The following SIRT5 variants were observed in gnomAD, a reference collection of about 807,000 sequenced individuals.
The protein encoded by SIRT5 is sirtuin 5, also known as NAD-dependent protein deacylase sirtuin-5, mitochondrial.
SIRT5 carries 26 observed loss-of-function variants against 40.0 expected under a neutral mutation model. That is an observed-to-expected ratio of 0.65 (90% CI 0.48 to 0.90). The LOEUF is 0.90. Ranked by LOEUF, SIRT5 falls within the 40% of genes least tolerant of loss-of-function variation. The pLI, the probability that SIRT5 is intolerant of heterozygous loss-of-function variation, is 0.00. For synonymous variants in SIRT5, 146 were observed against 149.1 expected (o/e 0.98, Z 0.15); for missense variants, 401 against 402.4 (o/e 1.00, Z 0.03).
At chr6:13,575,964 T>C (rs936367439) in intron 1 of SIRT5, among the ~76,000 whole-genome samples, 1 of 152,248 alleles carries the variant, frequency 6.6e-6, no homozygotes, top group Admixed American at 6.5e-5. Flanking sequence ...GGTTCATCCA[T>C]GTTGTTGCAA....
intron 1 of SIRT5, among the ~76,000 whole-genome samples, chr6:13,577,574 A>G (rs1758787317): frequency 6.6e-6 from 1 of 150,960 alleles, no homozygotes; most frequent in South Asian, 2.1e-4. Context: ...ATAAAATCAT[A>G]TTATCATCAA....
intron 7 of SIRT5, among the ~76,000 whole-genome samples, chr6:13,597,720 G>A (rs2127683233): frequency 6.6e-6 from 1 of 151,932 alleles, no homozygotes; most frequent in Middle Eastern, 3.4e-3. Context: ...TATTTTTTGT[G>A]TTTTTAGCAG....
At chr6:13,604,469 T>C in intron 9 of SIRT5, 1 of 1,525,538 alleles carries the variant, frequency 6.6e-7, no homozygotes, top group Non-Finnish European at 9.1e-7. Context: ...ATGTGGTTTC[T>C]TTTCAGTCAT....
intron 8 of SIRT5, among the ~76,000 whole-genome samples, chr6:13,600,498 AAT>A (rs1562276724): frequency 6.6e-6 from 1 of 152,256 alleles, no homozygotes; most frequent in Admixed American, 6.5e-5. Context: ...AAAGATAGAA[AAT>A]ATGTTTTAAA....
Position 13,613,237 on chromosome 6 carries a change from T to C in SIRT5, c.*1372T>C, listed in dbSNP as rs1764090770. 1.3e-5 allele frequency: 2 copies of C among 152,316 alleles called. 1 individual carries two copies. The highest frequency in any genetic ancestry group is 4.1e-4 in the South Asian group (2 of 4,834). The allele number at this position is 152,316 out of a possible 1,614,324, so 9.4% of individuals were successfully genotyped here. On this transcript the variant is annotated 3_prime_UTR_variant, in exon 10 of 10. Coordinates refer to ENST00000606117, the MANE Select transcript of SIRT5 (RefSeq NM_012241.5). ...TTATTGCTGTCAGATGCATCTGCCA[T>C]ACAGGGTCATTCTCAGGGGATGCTT...
chr6:13,595,228 G>A (rs984110945), intron 5 of SIRT5, among the ~76,000 whole-genome samples: 3 of 152,174 alleles, frequency 2.0e-5, no homozygotes, highest in Non-Finnish European at 4.4e-5. Flanking sequence ...ATGAAGTATG[G>A]CTCAGTGTGG....
intron 9 of SIRT5, among the ~76,000 whole-genome samples, chr6:13,608,407 G>A (rs531600731): frequency 7.2e-5 from 11 of 152,184 alleles, no homozygotes; most frequent in Admixed American, 4.6e-4. Flanking sequence ...CCAACATGGC[G>A]AAACCCCATC....
intron 2 of SIRT5, among the ~76,000 whole-genome samples, chr6:13,580,337 G>A (rs1007868910): frequency 2.0e-5 from 3 of 151,996 alleles, no homozygotes; most frequent in African/African-American, 2.4e-5. Context: ...TACTCCTTAC[G>A]CACTGTAAAA....
At chr6:13,581,401 G>A (rs1759327455) in intron 2 of SIRT5, among the ~76,000 whole-genome samples, 1 of 152,174 alleles carries the variant, frequency 6.6e-6, no homozygotes, top group African/African-American at 2.4e-5. Context: ...TAACTAAATT[G>A]CAGTCATGAA....
intron 9 of SIRT5, chr6:13,605,638 C>T: frequency 1.0e-6 from 1 of 985,402 alleles, no homozygotes; most frequent in East Asian, 1.1e-4. Flanking sequence ...TAATTAGTTC[C>T]AGTTTTGGTT....
Position 13,608,555 on chromosome 6 carries a change from C to T in SIRT5, c.858-3235C>T, listed in dbSNP as rs185015010. ...GAGCCAAGATCGTGCCACTGCACTC[C>T]GGCCTGGGTGACACAGTGAGACTCT... is the stretch of plus-strand genomic sequence containing the variant. On this transcript the variant is annotated intron_variant, in intron 9 of 9. Transcript: ENST00000606117. 1.4e-4 allele frequency among the ~76,000 whole-genome samples: 21 copies of T among 150,646 alleles called. No individual in the cohort carries two copies. The East Asian group carries it at 2.3e-3, about 17-fold the overall frequency.
chr6:13,588,059 G>A (rs1349111279), intron 3 of SIRT5, among the ~76,000 whole-genome samples: 3 of 152,190 alleles, frequency 2.0e-5, no homozygotes, highest in Non-Finnish European at 4.4e-5. Context: ...GATGGAGAAA[G>A]GTACGTAACT....
intron 3 of SIRT5, among the ~76,000 whole-genome samples, chr6:13,586,660 A>G (rs1284818120): frequency 6.6e-6 from 1 of 152,156 alleles, no homozygotes; most frequent in African/African-American, 2.4e-5. Context: ...GAAAAAGCCT[A>G]TTCTTCTTCT....
intron 2 of SIRT5, among the ~76,000 whole-genome samples, chr6:13,581,204 G>A (rs1762941536): frequency 6.6e-6 from 1 of 152,136 alleles, no homozygotes; most frequent in Non-Finnish European, 1.5e-5. Context: ...TCCTACTAAT[G>A]TCCCTTTTCA....
At chr6:13,589,215 G>C (rs1049957504) in intron 4 of SIRT5, 1 of 152,794 alleles carries the variant, frequency 6.5e-6, no homozygotes, top group Non-Finnish European at 1.5e-5. Flanking sequence ...TCGGCTCACT[G>C]CAACCTCTGC....
At position 13,594,782 on chromosome 6, in the gene SIRT5, C is replaced by T. The variant is rs1310808705; in HGVS notation, c.476-695C>T. ...GGGTTGAAAGTGCTCTGCACGGCACCAGTTGCCTGGTACCCATTTCATAAA... is the reference window on the plus strand; with the variant it reads ...GGGTTGAAAGTGCTCTGCACGGCACTAGTTGCCTGGTACCCATTTCATAAA... On this transcript the variant is annotated intron_variant, in intron 5 of 9. Transcript: ENST00000606117. 2.0e-5 allele frequency among the ~76,000 whole-genome samples: 3 copies of T among 152,234 alleles called. No homozygotes were observed. In the East Asian group the frequency reaches 5.8e-4, roughly 29 times the overall value.
Position 13,607,707 on chromosome 6 carries a change from T to TA in SIRT5, c.858-4082dup, listed in dbSNP as rs1225212778. ...GACATCTAAGGTTTTTTAAATCAAA[T>TA]ATAGTTGGAGATGTGATTCCAAGTG... On this transcript the variant is annotated intron_variant, in intron 9 of 9. Transcript: ENST00000606117. The surrounding 1 kb of genome is among the most constrained non-coding windows in gnomAD (Gnocchi z 4.0). Among the ~76,000 whole-genome samples the TA allele has an allele frequency of 6.6e-6, 1 of 152,200 alleles. No homozygotes were observed. The highest frequency in any genetic ancestry group is 1.5e-5 in the Non-Finnish European group (1 of 68,028).
At chr6:13,599,183 G>C in intron 8 of SIRT5, 28 bp downstream of exon 8, 1 of 1,608,216 alleles carries the variant, frequency 6.2e-7, no homozygotes, top group South Asian at 1.1e-5. Flanking sequence ...CTAACCCCAG[G>C]ACAGGACTGG....
intron 8 of SIRT5, among the ~76,000 whole-genome samples, chr6:13,599,648 T>C (rs1045725267): frequency 1.3e-5 from 2 of 152,220 alleles, no homozygotes; most frequent in African/African-American, 2.4e-5. Context: ...CTACCTGTTT[T>C]TGGAAATAAA....
Sources: allele counts gnomAD v4.1 joint callset (sites outside exome capture counted in the v4.1 genomes callset), GRCh38; gene constraint gnomAD v4.1.1; non-coding constraint Gnocchi (gnomAD v3.1); transcripts MANE v1.5; gene names NCBI Gene and HGNC (gene_info 2026-07-23, HGNC 2026-07-21).